The following FRMPD4 variants were observed in gnomAD, a reference collection of about 807,000 sequenced individuals.
The protein encoded by FRMPD4 is FERM and PDZ domain-containing protein 4.
A neutral mutation model predicts 94.1 loss-of-function variants in FRMPD4; 22 were observed. That is an observed-to-expected ratio of 0.23 (90% CI 0.17 to 0.33). The LOEUF is 0.33. Among genes scored for constraint, FRMPD4 ranks in the 10% least tolerant of loss-of-function variants. The probability of loss-of-function intolerance (pLI) is 1.00; values close to 1 mark genes in which losing one functional copy is unlikely to be tolerated. For missense variants in FRMPD4, 1,111 were observed against 1,339.9 expected, an observed-to-expected ratio of 0.83 and a Z score of 2.67; for synonymous variants, 631 against 548.6, an observed-to-expected ratio of 1.15 and a Z score of -2.10.
chrX:12,646,580 G>T (rs1239199042), intron 4 of FRMPD4, among the ~76,000 whole-genome samples: 1 of 111,524 alleles, frequency 9.0e-6, no homozygotes, highest in Non-Finnish European at 1.9e-5. Context: ...GGTTTTCTGA[G>T]ATTTGAGGTG....
At chrX:12,117,521 C>T (rs2055419663) in intron 3 of FRMPD4, among the ~76,000 whole-genome samples, 1 of 111,430 alleles carries the variant, frequency 9.0e-6, no homozygotes, top group Non-Finnish European at 1.9e-5. Flanking sequence ...AGCTCTTTCA[C>T]TCTCTCCCCT....
intron 3 of FRMPD4, among the ~76,000 whole-genome samples, chrX:11,900,326 G>A (rs769266033): frequency 5.0e-4 from 56 of 111,263 alleles, no homozygotes; most frequent in Non-Finnish European, 9.4e-4. Context: ...AATGGGAAGC[G>A]GGGGCTTCAT....
intron 13 of FRMPD4, among the ~76,000 whole-genome samples, chrX:12,709,333 TCTG>T (rs1254972045): frequency 8.9e-6 from 1 of 111,871 alleles, no homozygotes; most frequent in East Asian, 2.8e-4. Context: ...TCTCTTCATA[TCTG>T]CTTTTTCTTG....
chrX:12,337,341 C>T lies in FRMPD4; in HGVS notation c.42-161339C>T, dbSNP rs1382171619. Among the ~76,000 whole-genome samples, 3 of 111,387 alleles carry T rather than the reference C, an allele frequency of 2.7e-5. No individual in the cohort carries two copies. In the South Asian group the frequency reaches 1.1e-3, roughly 42 times the overall value. On this transcript the variant is annotated intron_variant, in intron 1 of 16. Transcript: ENST00000675598. ...TTCCGGAATATTGGGCTATATAGAA[C>T]GTTAATTGAGGATCCAGAGAGAAAT... is the stretch of plus-strand genomic sequence containing the variant.
chrX:12,492,666 G>A (rs776920916), intron 1 of FRMPD4, among the ~76,000 whole-genome samples: 1 of 111,548 alleles, frequency 9.0e-6, no homozygotes, highest in Non-Finnish European at 1.9e-5. Context: ...CATAACAAAA[G>A]TGACGTCTTA....
chrX:12,246,365 G>A (rs773987163), intron 1 of FRMPD4, among the ~76,000 whole-genome samples: 3 of 111,699 alleles, frequency 2.7e-5, no homozygotes, highest in East Asian at 2.8e-4. Flanking sequence ...TTACCTTTGC[G>A]TGCTCTTAGC....
intron 1 of FRMPD4, among the ~76,000 whole-genome samples, chrX:12,309,826 G>A (rs2055003136): frequency 8.9e-6 from 1 of 112,712 alleles, no homozygotes; most frequent in African/African-American, 3.2e-5. Flanking sequence ...CTTGCATTGT[G>A]TCCTGGTGTT....
At chrX:11,905,665 A>G (rs182777326) in intron 3 of FRMPD4, among the ~76,000 whole-genome samples, 1 of 111,360 alleles carries the variant, frequency 9.0e-6, no homozygotes, top group African/African-American at 3.3e-5. Context: ...AGGTACTGTG[A>G]TATATATTGG....
chrX:12,246,036 A>G (rs2053953278), intron 1 of FRMPD4, among the ~76,000 whole-genome samples: 2 of 112,285 alleles, frequency 1.8e-5, no homozygotes, highest in Non-Finnish European at 3.8e-5. Context: ...CTGTACTTAA[A>G]TTATGGTTCC....
intron 1 of FRMPD4, among the ~76,000 whole-genome samples, chrX:12,331,836 T>TA (rs1479770851): frequency 3.1e-5 from 1 of 31,845 alleles, no homozygotes; most frequent in African/African-American, 3.3e-4. Context: ...AAATTATATA[T>TA]ATTTATATAC....
At chrX:12,290,407 G>A (rs898599058) in intron 1 of FRMPD4, among the ~76,000 whole-genome samples, 1 of 112,340 alleles carries the variant, frequency 8.9e-6, no homozygotes, top group Non-Finnish European at 1.9e-5. Context: ...AACTCACTGA[G>A]CCTCAGTTTT....
intron 1 of FRMPD4, among the ~76,000 whole-genome samples, chrX:12,467,895 A>C (rs1370292698): frequency 8.9e-6 from 1 of 111,984 alleles, no homozygotes; most frequent in Non-Finnish European, 1.9e-5. Flanking sequence ...ATTTTTAAAA[A>C]AAGATCAAAA....
intron 16 of FRMPD4, 117 bp downstream of exon 16, chrX:12,718,907 G>T: frequency 2.0e-6 from 1 of 488,360 alleles, no homozygotes; most frequent in African/African-American, 2.4e-5. Flanking sequence ...AATTTTAAAA[G>T]GCCACAGAAC....
chrX:12,684,908 T>C (rs1339949798), intron 6 of FRMPD4, among the ~76,000 whole-genome samples: 1 of 111,762 alleles, frequency 8.9e-6, no homozygotes. Flanking sequence ...TCCACAGCCC[T>C]GCCACAGGCT....
chrX:11,943,573 C>T (rs1471989461), intron 3 of FRMPD4, among the ~76,000 whole-genome samples: 2 of 110,245 alleles, frequency 1.8e-5, no homozygotes, highest in Non-Finnish European at 3.8e-5. Flanking sequence ...ACAACCCACT[C>T]TCTGGATAAC....
intron 3 of FRMPD4, among the ~76,000 whole-genome samples, chrX:11,933,892 T>C (rs966882693): frequency 8.0e-5 from 9 of 112,313 alleles, no homozygotes; most frequent in Non-Finnish European, 1.1e-4. Context: ...TCGTTTATGT[T>C]TGCCTCTGTG....
chrX:11,935,267 G>GTTTTTTTTTTTTTTTTTTT (rs1569129076), intron 3 of FRMPD4, among the ~76,000 whole-genome samples: 1 of 3,236 alleles, frequency 3.1e-4, no homozygotes, highest in Non-Finnish European at 5.2e-4. Context: ...TTTTTTTAAT[G>GTTTTTTTTTTTTTTTTTTT]TGTTTTTTTT....
At chrX:12,295,242 A>C (rs916213188) in intron 1 of FRMPD4, among the ~76,000 whole-genome samples, 1 of 112,313 alleles carries the variant, frequency 8.9e-6, no homozygotes, top group African/African-American at 3.2e-5. Flanking sequence ...AATTATCAAA[A>C]GGCTGCTTTG....
At chrX:12,075,313 G>C in intron 3 of FRMPD4, among the ~76,000 whole-genome samples, 1 of 108,561 alleles carries the variant, frequency 9.2e-6, no homozygotes, top group Non-Finnish European at 1.9e-5. Flanking sequence ...GTACCACTCT[G>C]GTGAAGGCTG....
Sources: gnomAD v4.1 joint callset for allele counts (sites outside exome capture counted in the v4.1 genomes callset) on GRCh38, gnomAD v4.1.1 for gene constraint, MANE v1.5 for transcripts, NCBI Gene and HGNC (gene_info 2026-07-23, HGNC 2026-07-21) for gene names.